Variants in PACRG observed in about 807,000 individuals in gnomAD.
PACRG encodes the protein parkin coregulated.
PACRG carries 29 observed loss-of-function variants against 29.7 expected under a neutral mutation model. The observed-to-expected ratio is 0.98, with a 90% CI of 0.73 to 1.33. The LOEUF (loss-of-function observed/expected upper bound fraction) is 1.33, where lower values mean the gene tolerates loss of function less well. Among genes scored for constraint, PACRG ranks in the 40% most tolerant of loss-of-function variants. PACRG has a pLI of 0.00. For synonymous variants in PACRG, 116 were observed against 118.7 expected, an observed-to-expected ratio of 0.98 and a Z score of 0.15; for missense variants, 279 against 316.2, an observed-to-expected ratio of 0.88 and a Z score of 0.89.
chr6:163,101,346 A>G (rs1204977736), intron 4 of PACRG: 2 of 981,110 alleles, frequency 2.0e-6, no homozygotes, highest in Non-Finnish European at 1.2e-6. Context: ...TGCTAGTTGG[A>G]TATTTATTTG....
At chr6:162,908,247 A>C (rs1416662447) in intron 2 of PACRG, among the ~76,000 whole-genome samples, 2 of 152,244 alleles carry the variant, frequency 1.3e-5, no homozygotes, top group Admixed American at 6.5e-5. Context: ...AACTTCAGCC[A>C]AGTTGTCTTA....
At chr6:163,244,199 T>TAA (rs1214512273) in intron 4 of PACRG, among the ~76,000 whole-genome samples, 2 of 151,880 alleles carry the variant, frequency 1.3e-5, no homozygotes, top group Non-Finnish European at 2.9e-5. Context: ...GCAGTTTGTT[T>TAA]CATACCATTC....
intron 3 of PACRG, among the ~76,000 whole-genome samples, chr6:163,066,748 A>C (rs575726723): frequency 8.5e-5 from 13 of 152,216 alleles, no homozygotes; most frequent in Non-Finnish European, 1.5e-4. Context: ...TTTACAACTG[A>C]AAAAACAAAA....
At chr6:162,852,365 C>A (rs1366611320) in intron 2 of PACRG, among the ~76,000 whole-genome samples, 2 of 152,174 alleles carry the variant, frequency 1.3e-5, no homozygotes, top group Non-Finnish European at 2.9e-5. Context: ...GCACTACTGA[C>A]CCCCGGGGGC....
intron 2 of PACRG, chr6:163,046,603 G>C (rs546009933): frequency 1.3e-5 from 2 of 152,072 alleles, no homozygotes; most frequent in South Asian, 2.1e-4. Context: ...CTTTGAACCC[G>C]GGGGTGCCTG....
chr6:163,085,084 AC>A (rs946122819), intron 3 of PACRG, among the ~76,000 whole-genome samples: 4 of 152,008 alleles, frequency 2.6e-5, no homozygotes, highest in African/African-American at 9.7e-5. Flanking sequence ...GGTAGTAATC[AC>A]TTTGTTACCT....
Position 162,825,731 on chromosome 6 carries a change from C to T in PACRG, c.291+11450C>T, listed in dbSNP as rs138263794. ...GAATCTGCCTTCTGTGGGAGGCCCT[C>T]GCGGCCTGGGTTGTGAAGGCACCCG... On this transcript the variant is annotated intron_variant, in intron 2 of 4. Transcript: ENST00000366888. Among the ~76,000 whole-genome samples, 144 of 152,212 alleles carry T rather than the reference C, an allele frequency of 9.5e-4. 1 individual carries two copies. In the East Asian group the frequency reaches 0.024, roughly 26 times the overall value.
chr6:163,064,697 G>T (rs1811383217), intron 3 of PACRG, among the ~76,000 whole-genome samples: 1 of 152,164 alleles, frequency 6.6e-6, no homozygotes, highest in Non-Finnish European at 1.5e-5. Context: ...AGGCTAACAG[G>T]ATCTAGAAAA....
At chr6:163,260,905 A>T (rs1473543265) in intron 4 of PACRG, among the ~76,000 whole-genome samples, 3 of 152,094 alleles carry the variant, frequency 2.0e-5, no homozygotes, top group Non-Finnish European at 4.4e-5. Context: ...CCATGTCTGT[A>T]AGGTAGATGC....
At chr6:163,153,413 T>C (rs1300924999) in intron 4 of PACRG, among the ~76,000 whole-genome samples, 3 of 152,238 alleles carry the variant, frequency 2.0e-5, no homozygotes, top group Admixed American at 2.0e-4. Flanking sequence ...ATTTTAGATA[T>C]GTTTTTATTA....
intron 2 of PACRG, among the ~76,000 whole-genome samples, chr6:162,913,426 A>T (rs955398631): frequency 6.6e-6 from 1 of 152,142 alleles, no homozygotes; most frequent in African/African-American, 2.4e-5. Context: ...GTTTTATTGT[A>T]TAGAAATAGC....
chr6:162,804,017 C>T (rs1041513135), intron 1 of PACRG, among the ~76,000 whole-genome samples: 2 of 151,844 alleles, frequency 1.3e-5, no homozygotes, highest in African/African-American at 4.8e-5. Flanking sequence ...CTATTAAATA[C>T]AAAATTTTGA....
chr6:162,958,890 G>T (rs1238083596), intron 2 of PACRG, among the ~76,000 whole-genome samples: 564 of 19,478 alleles, frequency 0.029, no homozygotes, highest in Admixed American at 0.044. Context: ...TATATAGAGA[G>T]AGAGAGAGAG....
intron 1 of PACRG, among the ~76,000 whole-genome samples, chr6:162,783,017 C>CT (rs1784208031): frequency 6.6e-6 from 1 of 151,834 alleles, no homozygotes; most frequent in Admixed American, 6.6e-5. Context: ...TCTATGTCCA[C>CT]TTTTTTCTCC....
intron 4 of PACRG, among the ~76,000 whole-genome samples, chr6:163,142,316 C>T (rs150590626): frequency 3.3e-5 from 5 of 152,008 alleles, no homozygotes; most frequent in Admixed American, 3.3e-4. Context: ...CAAGAATGAG[C>T]ACAAGAAAAA....
chr6:162,930,235 C>T (rs889462251), intron 2 of PACRG, among the ~76,000 whole-genome samples: 2 of 151,632 alleles, frequency 1.3e-5, no homozygotes, highest in Non-Finnish European at 3.0e-5. Flanking sequence ...CATGGAGTAT[C>T]TTTTTATTTT....
intron 4 of PACRG, among the ~76,000 whole-genome samples, chr6:163,159,797 C>T (rs2764009): frequency 0.18 from 27,084 of 152,088 alleles, 2,506 homozygotes; most frequent in Middle Eastern, 0.23. Context: ...AATTTTACTT[C>T]GAAGAATTCC....
chr6:162,937,200 GT>G (rs1798294858), intron 2 of PACRG, among the ~76,000 whole-genome samples: 1 of 152,042 alleles, frequency 6.6e-6, no homozygotes, highest in South Asian at 2.1e-4. Flanking sequence ...TATGAATCAC[GT>G]ATTATTTTAT....
At chr6:163,266,601 C>A (rs11751619) in intron 4 of PACRG, among the ~76,000 whole-genome samples, 1 of 152,096 alleles carries the variant, frequency 6.6e-6, no homozygotes, top group African/African-American at 2.4e-5. Flanking sequence ...CCTCCTTCTC[C>A]TGATTTTTTT....
Sources: gnomAD v4.1 joint callset for allele counts (sites outside exome capture counted in the v4.1 genomes callset) on GRCh38, gnomAD v4.1.1 for gene constraint, MANE v1.5 for transcripts, NCBI Gene and HGNC (gene_info 2026-07-23, HGNC 2026-07-21) for gene names.